Variants in IST1 observed in about 807,000 individuals in gnomAD.
The protein encoded by IST1 is IST1 homolog.
In IST1, 23 loss-of-function variants were observed where a neutral mutation model predicts 37.0. The observed-to-expected ratio is 0.62, with a 90% confidence interval of 0.45 to 0.88. IST1 has a LOEUF of 0.88. IST1 is among the 40% of genes least tolerant of loss of function. The probability of loss-of-function intolerance (pLI) is 0.00; values close to 1 mark genes in which losing one functional copy is unlikely to be tolerated. For synonymous variants in IST1, 180 were observed against 161.7 expected, an observed-to-expected ratio of 1.11 and a Z score of -0.86; for missense variants, 488 against 445.4, an observed-to-expected ratio of 1.10 and a Z score of -0.86.
At chr16:71,897,805 G>C (rs1321528237) in intron 1 of IST1, among the ~76,000 whole-genome samples, 1 of 151,872 alleles carries the variant, frequency 6.6e-6, no homozygotes, top group Non-Finnish European at 1.5e-5. Flanking sequence ...AATTAGCCAG[G>C]AGTGTTGGTG....
intron 9 of IST1, among the ~76,000 whole-genome samples, chr16:71,925,962 C>T (rs182935428): frequency 6.6e-6 from 1 of 151,122 alleles, no homozygotes; most frequent in Non-Finnish European, 1.5e-5. Context: ...TAATACCTAC[C>T]AGCAAAAACC....
chr16:71,924,780 T>G lies in IST1; in HGVS notation c.864T>G (p.Ile288Met). The change falls in exon 9 of 10, where the codon ATT (isoleucine) becomes ATG (methionine). Residue 288 changes from isoleucine (I) to methionine (M), a missense_variant. Physicochemically the swap from Ile to Met is conservative, Grantham distance 10. Coordinates refer to ENST00000378799, the MANE Select transcript of IST1 (RefSeq NM_001270975.2). ...TPPSYESVDD[I>M]NADKNISSAQ... ...TCTTTGTGTTTCAGGTAGATGACAT[T>G]AATGCTGATAAGAATATCTCTTCTG... 6.2e-7 allele frequency: 1 copy of G among 1,609,486 alleles called. No homozygotes were observed. Among genetic ancestry groups the G allele is most frequent in the South Asian group, 1.1e-5 (1 of 90,986 alleles).
At chr16:71,920,526 C>G (rs1334839394) in intron 4 of IST1, among the ~76,000 whole-genome samples, 1 of 152,122 alleles carries the variant, frequency 6.6e-6, no homozygotes, top group East Asian at 1.9e-4. Flanking sequence ...TTGTATAATA[C>G]TCATGATAGT....
chr16:71,927,697 C>T lies in IST1; in HGVS notation c.985C>T (p.Pro329Ser). Residue 329 changes from proline to serine, a missense_variant, in exon 10 of 10, where the codon CCA becomes TCA. This residue lies in a region of IST1 where 455 missense variants were observed against 386.2 expected (regional missense o/e 1.18). Coordinates refer to ENST00000378799, the MANE Select transcript of IST1 (RefSeq NM_001270975.2). ...NYDNFVLPEL[P>S]SVPDTLPTAS... ...TGACAACTTTGTCCTACCAGAGTTG[C>T]CATCTGTGCCAGACACACTACCAAC... 2 of 1,613,388 alleles carry T rather than the reference C, an allele frequency of 1.2e-6. No individual in the cohort carries two copies. The highest frequency in any genetic ancestry group is 1.7e-6 in the Non-Finnish European group (2 of 1,179,340).
At chr16:71,908,611 T>C (rs2142546767) in intron 1 of IST1, among the ~76,000 whole-genome samples, 1 of 152,306 alleles carries the variant, frequency 6.6e-6, no homozygotes, top group South Asian at 2.1e-4. Context: ...TTTAAAGTCT[T>C]TGTCAGTTAA....
chr16:71,922,747 C>A, intron 7 of IST1, 67 bp downstream of exon 7: 1 of 1,306,518 alleles, frequency 7.7e-7, no homozygotes, highest in Non-Finnish European at 1.1e-6. Flanking sequence ...GCTCTGTGAA[C>A]ACACTCAGGA....
intron 5 of IST1, 115 bp from the exon 6 acceptor site, chr16:71,921,228 C>A: frequency 1.5e-6 from 1 of 681,412 alleles, no homozygotes; most frequent in Non-Finnish European, 2.6e-6. Context: ...CTGCTCTGAA[C>A]CTTTTTTTCC....
intron 1 of IST1, among the ~76,000 whole-genome samples, chr16:71,902,114 A>G (rs1013128140): frequency 1.3e-5 from 2 of 152,210 alleles, no homozygotes; most frequent in Admixed American, 6.5e-5. Flanking sequence ...ACAATGTGCT[A>G]ATTTCTTTAC....
rs775347559 is a variant in IST1, at chr16:71,924,800, C to T, written c.884C>T (p.Ser295Phe). The change falls in exon 9 of 10, where the codon TCT (serine) becomes TTT (phenylalanine). Residue 295 changes from serine to phenylalanine, a missense_variant. Physicochemically the swap from Ser to Phe is radical, Grantham distance 155. This residue lies in a region of IST1 where 455 missense variants were observed against 386.2 expected (regional missense o/e 1.18). Coordinates refer to ENST00000378799, the MANE Select transcript of IST1 (RefSeq NM_001270975.2). Reference protein sequence around the residue: ...VDDINADKNISSAQIVGPGPK... With the variant: ...VDDINADKNIFSAQIVGPGPK... ...GACATTAATGCTGATAAGAATATCTCTTCTGCACAGATTGTTGGTGAGTAG... is the reference window on the plus strand; with the variant it reads ...GACATTAATGCTGATAAGAATATCTTTTCTGCACAGATTGTTGGTGAGTAG... 22 of 1,609,344 alleles carry T rather than the reference C, an allele frequency of 1.4e-5. No homozygotes were observed. The highest frequency in any genetic ancestry group is 2.7e-5 in the African/African-American group (2 of 74,846).
Position 71,927,637 on chromosome 16 carries a change from T to C in IST1, c.925T>C (p.Ser309Pro). ...AGGTCCTGGACCCAAGCCAGAAGCC[T>C]CTGCAAAGCTTCCTTCCAGACCTGC... is the stretch of plus-strand genomic sequence containing the variant. ...IVGPGPKPEASAKLPSRPADN... is the reference protein window; with the variant it reads ...IVGPGPKPEAPAKLPSRPADN... The change falls in exon 10 of 10, where the codon TCT (serine) becomes CCT (proline). Residue 309 changes from serine to proline, a missense_variant. Around this residue, in one of 2 missense-constraint regions of IST1, gnomAD observed 455 missense variants for 386.2 expected, o/e 1.18. Transcript: ENST00000378799. The C allele has an allele frequency of 6.2e-7, 1 of 1,613,942 alleles. No homozygotes were observed. The highest frequency in any genetic ancestry group is 2.2e-5 in the East Asian group (1 of 44,890).
At chr16:71,909,292 G>T (rs28564727) in intron 1 of IST1, among the ~76,000 whole-genome samples, 1 of 152,032 alleles carries the variant, frequency 6.6e-6, no homozygotes, top group Admixed American at 6.6e-5. Context: ...ATATTCTGTA[G>T]AGAGGGTCTT....
At chr16:71,921,712 A>G in intron 6 of IST1, 1 of 380,666 alleles carries the variant, frequency 2.6e-6, no homozygotes, top group Non-Finnish European at 4.9e-6. Flanking sequence ...GGTGAACTTC[A>G]GGAATTGAGA....
chr16:71,929,696 A>G lies in IST1; in HGVS notation c.*1883A>G, dbSNP rs2037852711. On this transcript the variant is annotated 3_prime_UTR_variant, in exon 10 of 10. Coordinates refer to ENST00000378799, the MANE Select transcript of IST1 (RefSeq NM_001270975.2). ...GCTTCTTTCTGAGTATTGAAGACAA[A>G]AAGAGAAAAGTGAGAAAATTGAAAT... 4 of 1,514,458 alleles carry G rather than the reference A, an allele frequency of 2.6e-6. No individual in the cohort carries two copies. The highest frequency in any genetic ancestry group is 1.7e-4 in the Middle Eastern group (1 of 5,834). The allele number at this position is 1,514,458 out of a possible 1,614,324, so 93.8% of individuals were successfully genotyped here.
At chr16:71,909,067 T>C (rs561965291) in intron 1 of IST1, among the ~76,000 whole-genome samples, 4 of 151,602 alleles carry the variant, frequency 2.6e-5, no homozygotes, top group Non-Finnish European at 5.9e-5. Flanking sequence ...CATAGTATTC[T>C]GTCATGTTTT....
chr16:71,920,988 C>T (rs751543092), intron 5 of IST1, 166 bp downstream of exon 5: 8 of 668,558 alleles, frequency 1.2e-5, no homozygotes, highest in Non-Finnish European at 2.2e-5. Context: ...CCAATCCTTA[C>T]ACCTGCCCAA....
intron 6 of IST1, among the ~76,000 whole-genome samples, chr16:71,922,242 G>C (rs534305873): frequency 1.3e-5 from 2 of 152,326 alleles, no homozygotes; most frequent in East Asian, 3.9e-4. Context: ...AACACCATCA[G>C]GTCCATTCCA....
intron 4 of IST1, among the ~76,000 whole-genome samples, chr16:71,918,276 C>G (rs1478855061): frequency 6.6e-6 from 1 of 152,110 alleles, no homozygotes. Context: ...TCACTGTTGT[C>G]TCCTGTGTGT....
Position 71,929,638 on chromosome 16 carries a change from G to C in IST1, c.*1825G>C, listed in dbSNP as rs1224487910. ...GGGCCAACTGATTCCTAACAAATTT[G>C]AGAGCTTCTGTAGCAGTGTATCTAT... On this transcript the variant is annotated 3_prime_UTR_variant, in exon 10 of 10. Transcript: ENST00000378799. 4.5e-6 allele frequency: 7 copies of C among 1,551,664 alleles called. No homozygotes were observed. Among genetic ancestry groups the C allele is most frequent in the East Asian group, 2.4e-5 (1 of 40,934 alleles).
At position 71,930,062 on chromosome 16, in the gene IST1, T is replaced by C; in HGVS notation, c.*2249T>C. The C allele has an allele frequency of 6.5e-7, 1 of 1,548,934 alleles. No individual in the cohort carries two copies. The highest frequency in any genetic ancestry group is 1.7e-4 in the Middle Eastern group (1 of 5,970). On this transcript the variant is annotated 3_prime_UTR_variant, in exon 10 of 10. Transcript: ENST00000378799. ...CTTTTAGTTACCTACCTTAAGCGAC[T>C]TTCTTTCTTTTCCAAAGGCCATGAG...
Sources: allele counts gnomAD v4.1 joint callset (sites outside exome capture counted in the v4.1 genomes callset), GRCh38; gene constraint gnomAD v4.1.1; regional missense constraint gnomAD v4.1.1; transcripts MANE v1.5; gene names NCBI Gene and HGNC (gene_info 2026-07-23, HGNC 2026-07-21).